Variants in FSD1L observed in about 807,000 individuals in gnomAD.
FSD1L encodes the protein FSD1-like protein.
FSD1L carries 45 observed loss-of-function variants against 71.6 expected under a neutral mutation model. The ratio of observed to expected loss-of-function variants is 0.63; its 90% confidence interval spans 0.49 to 0.81. FSD1L has a LOEUF of 0.81. FSD1L is among the 30% of genes least tolerant of loss of function. The pLI, the probability that FSD1L is intolerant of heterozygous loss-of-function variation, is 0.00. For synonymous variants in FSD1L, 197 were observed against 207.2 expected, an observed-to-expected ratio of 0.95 and a Z score of 0.42; for missense variants, 561 against 618.1, an observed-to-expected ratio of 0.91 and a Z score of 0.98.
At chr9:105,466,463 C>T (rs910339008) in intron 3 of FSD1L, among the ~76,000 whole-genome samples, 1 of 152,098 alleles carries the variant, frequency 6.6e-6, no homozygotes, top group African/African-American at 2.4e-5. Context: ...GAGGCCGAGT[C>T]AGGTGGATCA....
chr9:105,527,705 CAAAAA>C (rs35520921), intron 10 of FSD1L, among the ~76,000 whole-genome samples: 1 of 136,624 alleles, frequency 7.3e-6, no homozygotes, highest in African/African-American at 2.7e-5. Flanking sequence ...ATATTCTTAT[CAAAAA>C]AAAAAAAGAA....
chr9:105,482,134 G>A (rs1311563656), intron 6 of FSD1L, among the ~76,000 whole-genome samples: 3 of 152,084 alleles, frequency 2.0e-5, no homozygotes, highest in Non-Finnish European at 4.4e-5. Context: ...TAACATATCT[G>A]AGCAAGAAAT....
intron 7 of FSD1L, among the ~76,000 whole-genome samples, chr9:105,492,206 T>G (rs981054065): frequency 3.9e-5 from 6 of 152,176 alleles, no homozygotes; most frequent in African/African-American, 1.4e-4. Context: ...GAGAATCAAC[T>G]TCTTCCTGGT....
Position 105,512,838 on chromosome 9 carries a change from C to G in FSD1L, c.927C>G (p.Ser309=). 1 of 1,534,036 alleles carries G rather than the reference C, an allele frequency of 6.5e-7. No individual in the cohort carries two copies. Among genetic ancestry groups the G allele is most frequent in the Non-Finnish European group, 8.8e-7 (1 of 1,136,060 alleles). ...ALNFNLDNSS[S]HLNLKVEDTC... ...ACTTCAATTTGGATAACTCCTCATC[C>G]CATTTGAACCTGAAAGTTGAAGATA... The change falls in exon 10 of 14, where the codon TCC becomes TCG. Residue 309 remains serine, a synonymous_variant. Coordinates refer to ENST00000481272, the MANE Select transcript of FSD1L (RefSeq NM_001145313.3).
At chr9:105,467,887 G>A (rs1259312087) in intron 3 of FSD1L, among the ~76,000 whole-genome samples, 1 of 152,224 alleles carries the variant, frequency 6.6e-6, no homozygotes, top group Non-Finnish European at 1.5e-5. Context: ...TCTGGACGAA[G>A]TTGGGAACGT....
intron 2 of FSD1L, among the ~76,000 whole-genome samples, chr9:105,462,520 A>G (rs562687991): frequency 2.9e-5 from 3 of 104,242 alleles, no homozygotes; most frequent in Non-Finnish European, 5.7e-5. Context: ...TGTGACTGAC[A>G]TTTTTTTTTT....
At position 105,546,395 on chromosome 9, in the gene FSD1L, A is replaced by C; in HGVS notation, c.1505A>C (p.Gln502Pro). ...GGACTTTCTTTGAGTACTGGGATGCAGGTTCCAAGTGCTGTGAGAACACTT... is the reference window on the plus strand; with the variant it reads ...GGACTTTCTTTGAGTACTGGGATGCCGGTTCCAAGTGCTGTGAGAACACTT... The part of the protein sequence containing the change: ...CGGLSLSTGM[Q>P]VPSAVRTLQK... The change falls in exon 14 of 14, where the codon CAG (glutamine) becomes CCG (proline). Residue 502 changes from glutamine to proline, a missense_variant. Coordinates refer to ENST00000481272, the MANE Select transcript of FSD1L (RefSeq NM_001145313.3). 6.5e-7 allele frequency: 1 copy of C among 1,550,046 alleles called. No individual in the cohort carries two copies. The highest frequency in any genetic ancestry group is 8.7e-7 in the Non-Finnish European group (1 of 1,145,924).
At chr9:105,484,260 A>T (rs1006345404) in intron 6 of FSD1L, 121 bp from the exon 7 acceptor site, 3 of 665,416 alleles carry the variant, frequency 4.5e-6, no homozygotes, top group Non-Finnish European at 6.6e-6. Flanking sequence ...TTTCACTTTT[A>T]ACTTTTATTA....
intron 10 of FSD1L, among the ~76,000 whole-genome samples, chr9:105,529,201 T>C (rs1835728068): frequency 6.6e-6 from 1 of 152,136 alleles, no homozygotes; most frequent in South Asian, 2.1e-4. Context: ...CAACCATTGT[T>C]GAAGACAGTG....
At chr9:105,508,890 A>G (rs1452503321) in intron 9 of FSD1L, among the ~76,000 whole-genome samples, 175 bp downstream of exon 9, 1 of 152,186 alleles carries the variant, frequency 6.6e-6, no homozygotes, top group Non-Finnish European at 1.5e-5. Flanking sequence ...AGTGGTTTTC[A>G]TTGGGTTTTC....
In FSD1L at chr9:105,506,476, G is replaced by C; in HGVS notation, c.664G>C (p.Glu222Gln). ...TGTAACAGTGGCTTGGAGAATGCCA[G>C]AAGAAGATAATAAGATTGACCATTT... ...NSVTVAWRMPEEDNKIDHFIL... is the reference protein window; with the variant it reads ...NSVTVAWRMPQEDNKIDHFIL... Residue 222 changes from glutamate (E) to glutamine (Q), a missense_variant, in exon 8 of 14, where the codon GAA becomes CAA. Transcript: ENST00000481272. 1 of 1,551,378 alleles carries C rather than the reference G, an allele frequency of 6.4e-7. No individual in the cohort carries two copies. Among genetic ancestry groups the C allele is most frequent in the Non-Finnish European group, 8.7e-7 (1 of 1,146,820 alleles).
rs1837101098 is a variant in FSD1L, at chr9:105,547,962, A to T, written c.*1479A>T. The T allele has an allele frequency of 6.6e-6, 1 of 152,086 alleles. No homozygotes were observed. The highest frequency in any genetic ancestry group is 1.5e-5 in the Non-Finnish European group (1 of 67,962). The allele number at this position is 152,086 out of a possible 1,614,324, so 9.4% of individuals were successfully genotyped here. A position where few individuals can be genotyped will look rare whatever the true frequency, so the allele number is the denominator to read the frequency against. ...CGTTGCTTTCTACATAGAGACTTGT[A>T]TAATAGTATTAATAGTAGCTCATTC... On this transcript the variant is annotated 3_prime_UTR_variant, in exon 14 of 14. Transcript: ENST00000481272.
chr9:105,498,737 T>G (rs991372013), intron 7 of FSD1L, among the ~76,000 whole-genome samples: 2 of 152,230 alleles, frequency 1.3e-5, no homozygotes, highest in Non-Finnish European at 2.9e-5. Context: ...TTCAAAATAT[T>G]TTAAAATTTC....
At chr9:105,478,140 G>A (rs2131676118) in intron 5 of FSD1L, among the ~76,000 whole-genome samples, 1 of 152,302 alleles carries the variant, frequency 6.6e-6, no homozygotes, top group Admixed American at 6.5e-5. Flanking sequence ...AGCTACTTGG[G>A]AGGCTGAGGC....
intron 10 of FSD1L, chr9:105,530,615 A>G (rs143948317): frequency 5.5e-5 from 38 of 686,996 alleles, no homozygotes; most frequent in Middle Eastern, 4.7e-4. Flanking sequence ...TTCACTTTCT[A>G]TTTGTTGCCC....
chr9:105,449,709 A>C (rs1254609965), intron 1 of FSD1L, among the ~76,000 whole-genome samples: 5 of 152,224 alleles, frequency 3.3e-5, no homozygotes, highest in African/African-American at 9.7e-5. Flanking sequence ...GTGTCCCATA[A>C]AATACAAAAA....
chr9:105,512,716 T>G, intron 9 of FSD1L, 91 bp from the exon 10 acceptor site: 1 of 664,648 alleles, frequency 1.5e-6, no homozygotes, highest in Non-Finnish European at 2.4e-6. Flanking sequence ...ATTGAATTGA[T>G]TGAGTAGGAA....
rs1197444462 is a variant in FSD1L, at chr9:105,549,979, A to C, written c.*3496A>C. The C allele has an allele frequency of 2.0e-5, 3 of 151,958 alleles. No individual in the cohort carries two copies. Among genetic ancestry groups the C allele is most frequent in the East Asian group, 1.9e-4 (1 of 5,202 alleles). 9.4% of individuals were successfully genotyped at this position (151,958 alleles called of 1,614,324 possible). On this transcript the variant is annotated 3_prime_UTR_variant, in exon 14 of 14. Transcript: ENST00000481272. ...TGATTCCAGGCTTAAGAAATTGATT[A>C]TATTTTAAAATAATTATTTTTTTAA... is the stretch of plus-strand genomic sequence containing the variant.
At chr9:105,530,668 C>T (rs747780393) in intron 10 of FSD1L, 37 of 620,896 alleles carry the variant, frequency 6.0e-5, no homozygotes, top group Non-Finnish European at 9.5e-5. Context: ...TGTTTCCTCT[C>T]AGCAGACACT....
Sources: allele counts gnomAD v4.1 joint callset (sites outside exome capture counted in the v4.1 genomes callset), GRCh38; gene constraint gnomAD v4.1.1; transcripts MANE v1.5; gene names NCBI Gene and HGNC (gene_info 2026-07-23, HGNC 2026-07-21).